Variants in ZNF383 observed in about 807,000 individuals in gnomAD.
ZNF383 encodes zinc finger protein 383.
In ZNF383, 32 loss-of-function variants were observed where a neutral mutation model predicts 44.2. That is an observed-to-expected ratio of 0.72 (90% CI 0.55 to 0.97). The LOEUF (loss-of-function observed/expected upper bound fraction) is 0.97, where lower values mean the gene tolerates loss of function less well. Ranked by LOEUF, ZNF383 falls within the 50% of genes least tolerant of loss-of-function variation. The probability of loss-of-function intolerance (pLI) is 0.00; values close to 1 mark genes in which losing one functional copy is unlikely to be tolerated. For synonymous variants in ZNF383, 155 were observed against 186.2 expected (o/e 0.83, Z 1.36); for missense variants, 487 against 562.5 (o/e 0.87, Z 1.36).
chr19:37,234,113 C>A (rs182287624), intron 3 of ZNF383, among the ~76,000 whole-genome samples: 49 of 152,284 alleles, frequency 3.2e-4, no homozygotes, highest in African/African-American at 1.2e-3. Flanking sequence ...ATCCACCCAC[C>A]TCGGCCTCCC....
intron 3 of ZNF383, among the ~76,000 whole-genome samples, chr19:37,231,104 G>A (rs1445103686): frequency 6.6e-6 from 1 of 152,194 alleles, no homozygotes; most frequent in African/African-American, 2.4e-5. Context: ...GATAATGGAT[G>A]TTTACAATGG....
intron 3 of ZNF383, among the ~76,000 whole-genome samples, chr19:37,235,261 G>A (rs1353043277): frequency 2.1e-5 from 3 of 145,364 alleles, no homozygotes; most frequent in Non-Finnish European, 3.0e-5. Flanking sequence ...TGACAAAAGC[G>A]AATTTCTGTC....
At chr19:37,238,108 C>T (rs1274788872) in intron 5 of ZNF383, among the ~76,000 whole-genome samples, 1 of 151,836 alleles carries the variant, frequency 6.6e-6, no homozygotes, top group African/African-American at 2.4e-5. Flanking sequence ...AGCGATCCAC[C>T]CACCTTGGCC....
chr19:37,226,025 T>C (rs536074955), intron 2 of ZNF383, among the ~76,000 whole-genome samples: 2 of 151,662 alleles, frequency 1.3e-5, no homozygotes, highest in East Asian at 3.9e-4. Flanking sequence ...GGTCTCGATC[T>C]CCTGACCTCG....
chr19:37,220,515 G>C (rs1269543822), intron 1 of ZNF383, among the ~76,000 whole-genome samples: 1 of 150,768 alleles, frequency 6.6e-6, no homozygotes, highest in South Asian at 2.1e-4. Context: ...GCCTCCCAAA[G>C]TGCTGGGTTT....
chr19:37,235,812 T>G, intron 4 of ZNF383, 137 bp downstream of exon 4: 1 of 1,346,422 alleles, frequency 7.4e-7, no homozygotes, highest in South Asian at 1.5e-5. Flanking sequence ...TGAGCTGAAA[T>G]GAAAAGGAAG....
At chr19:37,219,117 C>T (rs927003734) in intron 1 of ZNF383, among the ~76,000 whole-genome samples, 1 of 152,086 alleles carries the variant, frequency 6.6e-6, no homozygotes, top group African/African-American at 2.4e-5. Context: ...GGCTGGGTGA[C>T]TGCAGCATTG....
chr19:37,221,757 C>T (rs71356045), intron 1 of ZNF383, among the ~76,000 whole-genome samples: 1 of 148,454 alleles, frequency 6.7e-6, no homozygotes. Flanking sequence ...GACCATCTGG[C>T]TACGGTGAAA....
intron 5 of ZNF383, among the ~76,000 whole-genome samples, chr19:37,238,441 TGATA>T (rs1051964791): frequency 9.9e-5 from 15 of 151,780 alleles, no homozygotes; most frequent in Admixed American, 7.2e-4. Context: ...AGGTGGTGGG[TGATA>T]GATAAGTGCT....
rs1015144138 is a variant in ZNF383 at position 37,248,171 on chromosome 19, A to T, written c.*4507A>T. On this transcript the variant is annotated 3_prime_UTR_variant, in exon 6 of 6. Coordinates refer to ENST00000684119, the MANE Select transcript of ZNF383 (RefSeq NM_001387601.1). Reference sequence around the variant, plus strand: ...AGTGAAATAAAATTTTTCTTAAAATATATTTTAAATGTCAAATTGCTACAC... The same window carrying T: ...AGTGAAATAAAATTTTTCTTAAAATTTATTTTAAATGTCAAATTGCTACAC... The T allele has an allele frequency of 2.0e-5, 3 of 152,206 alleles. No homozygotes were observed. The highest frequency in any genetic ancestry group is 2.0e-4 in the Admixed American group (3 of 15,278). The allele number at this position is 152,206 out of a possible 1,614,324, so 9.4% of individuals were successfully genotyped here.
intron 5 of ZNF383, among the ~76,000 whole-genome samples, chr19:37,241,370 C>T (rs1420542604): frequency 2.0e-5 from 3 of 152,122 alleles, no homozygotes; most frequent in Non-Finnish European, 4.4e-5. Context: ...TCATAGAAAT[C>T]AGGAAAGCTC....
chr19:37,236,332 A>T (rs1376804135), intron 5 of ZNF383, among the ~76,000 whole-genome samples: 1 of 151,160 alleles, frequency 6.6e-6, no homozygotes, highest in Non-Finnish European at 1.5e-5. Context: ...TCTAAAAAAA[A>T]CCCTATTTTA....
intron 1 of ZNF383, among the ~76,000 whole-genome samples, chr19:37,222,368 T>C (rs1222233794): frequency 1.3e-5 from 2 of 152,146 alleles, no homozygotes; most frequent in Admixed American, 1.3e-4. Context: ...AATTCTGTTG[T>C]ATGAATATAA....
chr19:37,241,335 A>G (rs1259970893), intron 5 of ZNF383, among the ~76,000 whole-genome samples: 1 of 152,164 alleles, frequency 6.6e-6, no homozygotes, highest in African/African-American at 2.4e-5. Flanking sequence ...CCAAGGTCTC[A>G]GGTTCAATAA....
chr19:37,232,022 CTAAT>C (rs1599791267), intron 3 of ZNF383, among the ~76,000 whole-genome samples: 1 of 151,762 alleles, frequency 6.6e-6, no homozygotes, highest in East Asian at 1.9e-4. Context: ...ATTGACAAAA[CTAAT>C]TAGTATTTTT....
chr19:37,245,153 T>C lies in ZNF383; in HGVS notation c.*1489T>C, dbSNP rs1974315450. On this transcript the variant is annotated 3_prime_UTR_variant, in exon 6 of 6. Coordinates refer to ENST00000684119, the MANE Select transcript of ZNF383 (RefSeq NM_001387601.1). ...AGCTGGGCGTGGTGGCATGTACCTG[T>C]AATCCCAGCTACTCGGGAGGCTGAG... The C allele has an allele frequency of 6.6e-6, 1 of 152,082 alleles. No homozygotes were observed. The highest frequency in any genetic ancestry group is 2.1e-4 in the South Asian group (1 of 4,816). The allele number at this position is 152,082 out of a possible 1,614,324, so 9.4% of individuals were successfully genotyped here. A position where few individuals can be genotyped will look rare whatever the true frequency, so the allele number is the denominator to read the frequency against.
At chr19:37,219,133 G>A (rs938448754) in intron 1 of ZNF383, 1 of 153,088 alleles carries the variant, frequency 6.5e-6, no homozygotes, top group African/African-American at 2.4e-5. Flanking sequence ...CATTGGGTAG[G>A]GGGTGCTTGT....
intron 2 of ZNF383, chr19:37,226,402 A>G (rs760382545): frequency 6.6e-6 from 1 of 152,154 alleles, no homozygotes; most frequent in Non-Finnish European, 1.5e-5. Flanking sequence ...TTACACATCC[A>G]GGGGTTTGGA....
chr19:37,221,845 A>T (rs1013839156), intron 1 of ZNF383, among the ~76,000 whole-genome samples: 1 of 151,092 alleles, frequency 6.6e-6, no homozygotes, highest in African/African-American at 2.4e-5. Flanking sequence ...AGTCCCAGCT[A>T]CTTGGGAAGC....
Sources: gnomAD v4.1 joint callset for allele counts (sites outside exome capture counted in the v4.1 genomes callset) on GRCh38, gnomAD v4.1.1 for gene constraint, MANE v1.5 for transcripts, NCBI Gene and HGNC (gene_info 2026-07-23, HGNC 2026-07-21) for gene names.